Variants in LRRD1 observed in about 807,000 individuals in gnomAD.
The protein encoded by LRRD1 is leucine-rich repeat and death domain-containing protein 1.
Under a neutral mutation model 69.5 loss-of-function variants are expected in LRRD1, and 49 were observed. The observed-to-expected ratio is 0.70, with a 90% CI of 0.56 to 0.89. LRRD1 has a LOEUF of 0.89. Ranked by LOEUF, LRRD1 falls within the 40% of genes least tolerant of loss-of-function variation. The pLI, the probability that LRRD1 is intolerant of heterozygous loss-of-function variation, is 0.00. For missense variants in LRRD1, 853 were observed against 956.0 expected, an observed-to-expected ratio of 0.89 and a Z score of 1.42; for synonymous variants, 303 against 338.9, an observed-to-expected ratio of 0.89 and a Z score of 1.16.
intron 4 of LRRD1, among the ~76,000 whole-genome samples, chr7:92,147,192 G>A (rs1179441071): frequency 2.0e-5 from 3 of 151,300 alleles, no homozygotes; most frequent in African/African-American, 7.3e-5. Flanking sequence ...TCAGCCTCCC[G>A]AGTAGCTGGG....
intron 1 of LRRD1, among the ~76,000 whole-genome samples, chr7:92,174,511 T>TATATGTATATA (rs1563195897): frequency 9.4e-4 from 25 of 26,706 alleles, no homozygotes; most frequent in Non-Finnish European, 1.6e-3. Flanking sequence ...ATATATATAT[T>TATATGTATATA]TTTTTTTTTT....
intron 1 of LRRD1, among the ~76,000 whole-genome samples, chr7:92,166,889 T>C (rs113531192): frequency 1.7e-4 from 26 of 152,160 alleles, no homozygotes; most frequent in Non-Finnish European, 3.4e-4. Flanking sequence ...ATTACTTCTA[T>C]TTAACATTGT....
chr7:92,151,936 C>T lies in LRRD1; in HGVS notation c.2117-1241G>A, dbSNP rs543590780. On this transcript the variant is annotated intron_variant, in intron 3 of 5. Transcript: ENST00000458448. ...TGCACTCCAGCCTGGGAGACAAGAG[C>T]GGAACTCCATCTCAAAAAAAAAAAA... 3.2e-4 allele frequency among the ~76,000 whole-genome samples: 46 copies of T among 142,518 alleles called. No individual in the cohort carries two copies. The Middle Eastern group carries it at 0.011, about 34-fold the overall frequency. 93.5% of individuals were successfully genotyped at this position (142,518 alleles called of 152,430 possible).
chr7:92,163,491 A>C lies in LRRD1; in HGVS notation c.1712T>G (p.Phe571Cys). The C allele has an allele frequency of 6.5e-7, 1 of 1,528,142 alleles. No homozygotes were observed. The highest frequency in any genetic ancestry group is 8.8e-7 in the Non-Finnish European group (1 of 1,138,456). The allele number at this position is 1,528,142 out of a possible 1,614,324, so 94.7% of individuals were successfully genotyped here. A position where few individuals can be genotyped will look rare whatever the true frequency, so the allele number is the denominator to read the frequency against. The stretch of plus-strand genomic sequence containing the variant: ...TTCTAAAGTACACAATTCTCTAGGG[A>C]AAGTTTCAAATTTATTACAGCATAA... The part of the protein sequence containing the change: ...LILCCNKFET[F>C]PRELCTLENL... The change falls in exon 2 of 6, where the codon TTC becomes TGC. Residue 571 changes from phenylalanine (F) to cysteine (C), a missense_variant. By Grantham distance (205) the Phe-to-Cys change is radical (BLOSUM62 -2). Coordinates refer to ENST00000458448, the MANE Select transcript of LRRD1 (RefSeq NM_001161528.2).
chr7:92,175,400 C>G (rs770666069), intron 1 of LRRD1, among the ~76,000 whole-genome samples: 146 of 152,288 alleles, frequency 9.6e-4, no homozygotes, highest in Non-Finnish European at 8.8e-4. Context: ...GCAATCCCAG[C>G]ACTTAGGGAG....
At chr7:92,172,586 T>G (rs577306335) in intron 1 of LRRD1, among the ~76,000 whole-genome samples, 1 of 151,992 alleles carries the variant, frequency 6.6e-6, no homozygotes, top group South Asian at 2.1e-4. Context: ...CAATCCCACT[T>G]AGAATAGCTG....
chr7:92,142,580 T>TTG, downstream of LRRD1: 1 of 454,562 alleles, frequency 2.2e-6, no homozygotes, highest in Non-Finnish European at 4.4e-6. Flanking sequence ...CTCACTGACT[T>TTG]CAAGTATGAA....
chr7:92,157,941 G>T (rs1258054366), intron 3 of LRRD1, among the ~76,000 whole-genome samples: 2 of 151,896 alleles, frequency 1.3e-5, no homozygotes, highest in Non-Finnish European at 1.5e-5. Flanking sequence ...TTTGAAATTG[G>T]CATTGTTTCT....
At chr7:92,141,775 G>A (rs1019935532), downstream of LRRD1, 7 of 152,010 alleles carry the variant, frequency 4.6e-5, no homozygotes, top group African/African-American at 1.7e-4. Context: ...TTTAAAATAG[G>A]GAAGGATTAG....
At chr7:92,166,979 A>G (rs961715180) in intron 1 of LRRD1, among the ~76,000 whole-genome samples, 1 of 152,262 alleles carries the variant, frequency 6.6e-6, no homozygotes, top group African/African-American at 2.4e-5. Flanking sequence ...AATGGTCATT[A>G]GTCACAGATA....
downstream of LRRD1, among the ~76,000 whole-genome samples, chr7:92,143,737 G>A (rs572885752): frequency 1.8e-4 from 28 of 152,324 alleles, no homozygotes; most frequent in Non-Finnish European, 7.4e-5. Flanking sequence ...TGAGGGAGCC[G>A]GTTCCGGCCT....
chr7:92,144,761 A>C (rs918006338), downstream of LRRD1: 1 of 498,224 alleles, frequency 2.0e-6, no homozygotes, highest in Non-Finnish European at 3.4e-6. Context: ...AGTTGTCATC[A>C]TCTCTTAAGA....
chr7:92,150,452 G>C, intron 4 of LRRD1, 82 bp downstream of exon 4: 1 of 1,242,468 alleles, frequency 8.0e-7, no homozygotes, highest in African/African-American at 1.5e-5. Flanking sequence ...GTGTCAGAGT[G>C]AGACCCTGTC....
rs555864362 is a variant in LRRD1, at chr7:92,159,092, C to G, written c.2029G>C (p.Val677Leu). 1.9e-6 allele frequency: 3 copies of G among 1,547,080 alleles called. No individual in the cohort carries two copies. The highest frequency in any genetic ancestry group is 2.6e-6 in the Non-Finnish European group (3 of 1,145,182). ...TGATTATTGTATGCATGTAAACTAA[C>G]CAAATTTCTCAATTCTCCTATATTT... Reference protein sequence around the residue: ...PRNIGELRNLVSLHAYNNQIS... With the variant: ...PRNIGELRNLLSLHAYNNQIS... The change falls in exon 3 of 6, where the codon GTT (valine) becomes CTT (leucine). Residue 677 changes from valine to leucine, a missense_variant. By Grantham distance (32) the Val-to-Leu change is conservative. Around this residue, in one of 3 missense-constraint regions of LRRD1, gnomAD observed 739 missense variants for 808.0 expected, o/e 0.91. Transcript: ENST00000458448.
intron 1 of LRRD1, among the ~76,000 whole-genome samples, chr7:92,167,853 G>A (rs1293719547): frequency 3.4e-5 from 4 of 116,810 alleles, no homozygotes; most frequent in African/African-American, 1.4e-4. Flanking sequence ...CTCCAGCCTG[G>A]GCAACACAGC....
chr7:92,177,881 T>C lies in LRRD1; in HGVS notation c.-75+1126A>G, dbSNP rs375096219. 2.6e-5 allele frequency among the ~76,000 whole-genome samples: 4 copies of C among 152,316 alleles called. 1 individual carries two copies. Reference sequence around the variant, plus strand: ...TGTTATTCTTTAAACAGCACAGATATGCAATGAAATTTCCATTAATCCAGA... The same window carrying C: ...TGTTATTCTTTAAACAGCACAGATACGCAATGAAATTTCCATTAATCCAGA... On this transcript the variant is annotated intron_variant, in intron 1 of 5. Coordinates refer to ENST00000458448, the MANE Select transcript of LRRD1 (RefSeq NM_001161528.2).
At chr7:92,178,919 C>T (rs530423073) in intron 1 of LRRD1, 88 bp downstream of exon 1, 1 of 152,358 alleles carries the variant, frequency 6.6e-6, no homozygotes, top group South Asian at 2.1e-4. Context: ...CGTGGGACAG[C>T]ATGCAAAGCC....
intron 1 of LRRD1, among the ~76,000 whole-genome samples, chr7:92,168,660 GAAAA>G (rs61001338): frequency 1.0e-5 from 1 of 96,972 alleles, no homozygotes; most frequent in Admixed American, 1.1e-4. Flanking sequence ...ACTGAGTGGA[GAAAA>G]AAAAAAAAAA....
chr7:92,147,978 G>A (rs1820370414), intron 4 of LRRD1, among the ~76,000 whole-genome samples: 3 of 152,082 alleles, frequency 2.0e-5, no homozygotes, highest in African/African-American at 4.8e-5. Context: ...GTACAGTGGC[G>A]GGATCTCATC....
Sources: allele counts gnomAD v4.1 joint callset (sites outside exome capture counted in the v4.1 genomes callset), GRCh38; gene constraint gnomAD v4.1.1; regional missense constraint gnomAD v4.1.1; transcripts MANE v1.5; gene names NCBI Gene and HGNC (gene_info 2026-07-23, HGNC 2026-07-21).